CEBPZOS: variants seen among roughly 807,000 people sequenced by gnomAD.
The protein encoded by CEBPZOS is CEBPZ opposite strand.
In CEBPZOS, 10 loss-of-function variants were observed where a neutral mutation model predicts 4.8. The ratio of observed to expected loss-of-function variants is 2.07; its 90% CI spans 1.28 to 3.52. The LOEUF (loss-of-function observed/expected upper bound fraction) is 3.52. CEBPZOS is among the 30% of genes most tolerant of loss of function. CEBPZOS has a pLI of 0.00. For synonymous variants in CEBPZOS, 25 were observed against 14.2 expected (o/e 1.77, Z -1.72); for missense variants, 98 against 43.6 (o/e 2.25, Z -3.51).
intron 3 of CEBPZOS, chr2:37,201,343 T>C (rs1677221154): frequency 1.2e-5 from 6 of 505,020 alleles, no homozygotes; most frequent in African/African-American, 2.0e-5. Context: ...CAAACCACAG[T>C]TTAAACCTTT....
Position 37,203,159 on chromosome 2 carries a change from TA to T in CEBPZOS, c.*1301del. ...CCATTGGGTAGCTGGCATTTAAATA[TA>T]ATTTAAGAGTTAGTATATAATATTT... On this transcript the variant is annotated 3_prime_UTR_variant, in exon 5 of 5. Transcript: ENST00000402297. The T allele has an allele frequency of 3.8e-6, 2 of 522,798 alleles. No individual in the cohort carries two copies. Among genetic ancestry groups the T allele is most frequent in the Non-Finnish European group, 6.7e-6 (2 of 298,238 alleles). 32.4% of individuals were successfully genotyped at this position (522,798 alleles called of 1,614,324 possible). A position where few individuals can be genotyped will look rare whatever the true frequency, so the allele number is the denominator to read the frequency against.
rs970025269 is a variant in CEBPZOS, at chr2:37,202,420, G to A, written c.*560G>A. On this transcript the variant is annotated 3_prime_UTR_variant, in exon 5 of 5. Coordinates refer to ENST00000402297, the MANE Select transcript of CEBPZOS (RefSeq NM_001322374.2). Reference sequence around the variant, plus strand: ...AGCACTTTGGGAGGCCGAGGCAGGCGGGTCACTTGAGGTCAGGAGTTCGAG... The same window carrying A: ...AGCACTTTGGGAGGCCGAGGCAGGCAGGTCACTTGAGGTCAGGAGTTCGAG... 5.3e-5 allele frequency: 9 copies of A among 169,808 alleles called. No individual in the cohort carries two copies. The highest frequency in any genetic ancestry group is 1.9e-4 in the African/African-American group (8 of 41,658). The allele number at this position is 169,808 out of a possible 1,614,324, so 10.5% of individuals were successfully genotyped here.
At chr2:37,210,114 AT>A (rs1485519016) in intron 4 of CEBPZOS, 1 of 152,200 alleles carries the variant, frequency 6.6e-6, no homozygotes, top group East Asian at 1.9e-4. Flanking sequence ...TAATTTAAAA[AT>A]AAAAAAAATT....
chr2:37,196,570 C>T (rs1366238216), intron 1 of CEBPZOS, 50 bp downstream of exon 1: 1 of 152,508 alleles, frequency 6.6e-6, no homozygotes, highest in East Asian at 1.9e-4. Flanking sequence ...TTCGGGGTCC[C>T]TAGTGCGACG....
chr2:37,208,338 T>C (rs750018400), downstream of CEBPZOS, among the ~76,000 whole-genome samples: 6 of 151,738 alleles, frequency 4.0e-5, no homozygotes, highest in African/African-American at 4.8e-5. Context: ...GGAAATGACA[T>C]AACAAAAGAA....
At chr2:37,211,912 ATTC>A in intron 4 of CEBPZOS, 2 of 1,613,294 alleles carry the variant, frequency 1.2e-6, no homozygotes, top group Non-Finnish European at 1.7e-6. Flanking sequence ...ACTTCAGCAA[ATTC>A]TTCATCATCC....
At chr2:37,208,810 A>G (rs560034790), downstream of CEBPZOS, 2 of 152,280 alleles carry the variant, frequency 1.3e-5, no homozygotes, top group Non-Finnish European at 2.9e-5. Flanking sequence ...GGACAAGAGA[A>G]AGAAAGGGCA....
chr2:37,200,830 CTG>C (rs1348342176), intron 2 of CEBPZOS, among the ~76,000 whole-genome samples: 1 of 152,174 alleles, frequency 6.6e-6, no homozygotes, highest in East Asian at 1.9e-4. Flanking sequence ...TGGATTGTGA[CTG>C]TGCCACTGTA....
chr2:37,207,260 A>T (rs1284296995), downstream of CEBPZOS, among the ~76,000 whole-genome samples: 1 of 152,238 alleles, frequency 6.6e-6, no homozygotes, highest in Non-Finnish European at 1.5e-5. Flanking sequence ...CAGAAAGTCA[A>T]CAAAGAAACA....
rs1253343896 is a variant in CEBPZOS, at chr2:37,199,688, CTGT to C, written c.-1-11_-1-9del. 5 of 715,204 alleles carry C rather than the reference CTGT, an allele frequency of 7.0e-6. No homozygotes were observed. The African/African-American group carries it at 7.0e-5, about 10-fold the overall frequency. The allele number at this position is 715,204 out of a possible 1,614,324, so 44.3% of individuals were successfully genotyped here. On this transcript the variant is annotated splice_polypyrimidine_tract_variant and intron_variant, in intron 1 of 4. Transcript: ENST00000402297. ...TATGTTCATTCAGGTTTACACATATCTGTTGTTAAATTTAGGATGGCCCGTACT... is the reference window on the plus strand; with the variant it reads ...TATGTTCATTCAGGTTTACACATATCTGTTAAATTTAGGATGGCCCGTACT...
At chr2:37,212,755 A>T (rs1677763429) in intron 4 of CEBPZOS, 1 of 178,528 alleles carries the variant, frequency 5.6e-6, no homozygotes, top group Non-Finnish European at 1.2e-5. Context: ...GTAACATCTC[A>T]TGCTTGTAAT....
chr2:37,203,524 T>A lies in CEBPZOS; in HGVS notation c.*1664T>A, dbSNP rs1184860383. On this transcript the variant is annotated 3_prime_UTR_variant, in exon 5 of 5. Transcript: ENST00000402297. ...CTTTTCCTGAAACAATTATTCAAAC[T>A]CTGCATCTTTGATATCAATGTCTCT... 1.3e-5 allele frequency: 2 copies of A among 152,274 alleles called. No individual in the cohort carries two copies. Among genetic ancestry groups the A allele is most frequent in the African/African-American group, 4.8e-5 (2 of 41,470 alleles). The allele number at this position is 152,274 out of a possible 1,614,324, so 9.4% of individuals were successfully genotyped here.
intron 1 of CEBPZOS, chr2:37,198,590 T>C (rs930584558): frequency 6.6e-6 from 1 of 152,216 alleles, no homozygotes; most frequent in Non-Finnish European, 1.5e-5. Context: ...TAGAAAAATC[T>C]GAAAAACAAG....
At chr2:37,213,067 A>C (rs978556164) in intron 4 of CEBPZOS, among the ~76,000 whole-genome samples, 2 of 151,952 alleles carry the variant, frequency 1.3e-5, no homozygotes, top group African/African-American at 2.4e-5. Flanking sequence ...CAAACCCCCC[A>C]AAAAACAACA....
chr2:37,206,376 G>C (rs896120688), downstream of CEBPZOS, among the ~76,000 whole-genome samples: 1 of 152,144 alleles, frequency 6.6e-6, no homozygotes, highest in Non-Finnish European at 1.5e-5. Context: ...TTCTTTTTTT[G>C]AGATGGAATC....
At chr2:37,205,793 C>A (rs1194149241), downstream of CEBPZOS, among the ~76,000 whole-genome samples, 1 of 152,302 alleles carries the variant, frequency 6.6e-6, no homozygotes, top group African/African-American at 2.4e-5. Context: ...TGATACAGCA[C>A]TTTTTTCTTT....
At chr2:37,216,124 T>C (rs1219641655), downstream of CEBPZOS, 3 of 1,584,970 alleles carry the variant, frequency 1.9e-6, no homozygotes, top group Admixed American at 5.1e-5. Context: ...TTCAACTGTC[T>C]AAGGTTTATA....
chr2:37,201,586 T>C lies in CEBPZOS; in HGVS notation c.161-56T>C, dbSNP rs367581578. On this transcript the variant is annotated intron_variant, in intron 3 of 4. Coordinates refer to ENST00000402297, the MANE Select transcript of CEBPZOS (RefSeq NM_001322374.2). ...AAGAAGTTGTTTTTTTCAATACATTTAATTTTAACAATGCTTCCACATGAC... is the reference window on the plus strand; with the variant it reads ...AAGAAGTTGTTTTTTTCAATACATTCAATTTTAACAATGCTTCCACATGAC... 1.0e-4 allele frequency: 69 copies of C among 664,486 alleles called. No homozygotes were observed. In the African/African-American group the frequency reaches 1.1e-3, roughly 10 times the overall value. The allele number at this position is 664,486 out of a possible 1,614,324, so 41.2% of individuals were successfully genotyped here.
chr2:37,215,278 G>A (rs149550790), downstream of CEBPZOS: 1,592 of 183,536 alleles, frequency 8.7e-3, 6 homozygotes, highest in Non-Finnish European at 0.013. Flanking sequence ...AAAATTCAAA[G>A]AGTTATTTTA....
Sources: gnomAD v4.1 joint callset for allele counts (sites outside exome capture counted in the v4.1 genomes callset) on GRCh38, gnomAD v4.1.1 for gene constraint, MANE v1.5 for transcripts, NCBI Gene and HGNC (gene_info 2026-07-23, HGNC 2026-07-21) for gene names.